Variants in ZNF638 observed in about 807,000 individuals in gnomAD.
ZNF638 encodes zinc finger protein 638, also known as CTCL tumor antigen se33-1.
ZNF638 carries 46 observed loss-of-function variants against 195.6 expected under a neutral mutation model. That is an observed-to-expected ratio of 0.24 (90% CI 0.19 to 0.30). The LOEUF (loss-of-function observed/expected upper bound fraction) is 0.30. ZNF638 is among the 10% of genes least tolerant of loss of function. The pLI is 1.00. For missense variants in ZNF638, 2,440 were observed against 2,325.3 expected, an observed-to-expected ratio of 1.05 and a Z score of -1.01; for synonymous variants, 845 against 772.0, an observed-to-expected ratio of 1.09 and a Z score of -1.57.
chr2:71,337,564 C>T (rs1417783828), intron 1 of ZNF638, among the ~76,000 whole-genome samples: 3 of 141,056 alleles, frequency 2.1e-5, no homozygotes, highest in East Asian at 3.9e-4. Context: ...CACCACCATG[C>T]CTGGCTACGT....
intron 26 of ZNF638, among the ~76,000 whole-genome samples, chr2:71,432,862 A>G (rs1158416903): frequency 6.6e-6 from 1 of 152,242 alleles, no homozygotes; most frequent in Non-Finnish European, 1.5e-5. Context: ...AGGCAGGCAC[A>G]TCCTATAGGG....
At chr2:71,370,420 A>G (rs1182166351) in intron 8 of ZNF638, among the ~76,000 whole-genome samples, 1 of 152,166 alleles carries the variant, frequency 6.6e-6, no homozygotes, top group Non-Finnish European at 1.5e-5. Context: ...CATAAACAAA[A>G]TCGTATAGTG....
rs542645085 is a variant in ZNF638 at position 71,357,447 on chromosome 2, G to C, written c.1379+1667G>C. ...GAATTAGATACGCCTTACTGCCACT[G>C]TAAGGAATACAGTCGAAAATCGAAA... On this transcript the variant is annotated intron_variant, in intron 3 of 27. Transcript: ENST00000264447. Among the ~76,000 whole-genome samples, 11 of 152,316 alleles carry C rather than the reference G, an allele frequency of 7.2e-5. No homozygotes were observed. The South Asian group carries it at 1.7e-3, about 23-fold the overall frequency.
Position 71,337,278 on chromosome 2 carries a change from G to GT in ZNF638, c.-203+5409dup, listed in dbSNP as rs574122769. Among the ~76,000 whole-genome samples the GT allele has an allele frequency of 3.1e-4, 47 of 152,070 alleles. No individual in the cohort carries two copies. The South Asian group carries it at 7.1e-3, about 23-fold the overall frequency. ...GAGTTCCCTGTCTCCTGCATATATG[G>GT]TTTTTTCCCGAAAAGTTTGACATTA... On this transcript the variant is annotated intron_variant, in intron 1 of 27. Coordinates refer to ENST00000264447, the MANE Select transcript of ZNF638 (RefSeq NM_014497.5).
At chr2:71,389,137 C>T (rs1235414304) in intron 10 of ZNF638, among the ~76,000 whole-genome samples, 3 of 152,148 alleles carry the variant, frequency 2.0e-5, no homozygotes, top group South Asian at 2.1e-4. Flanking sequence ...CTTCCCTCAG[C>T]CCTGCCATTA....
intron 1 of ZNF638, among the ~76,000 whole-genome samples, chr2:71,345,126 T>G (rs1450306177): frequency 6.6e-6 from 1 of 152,220 alleles, no homozygotes; most frequent in Non-Finnish European, 1.5e-5. Context: ...ATTTTAATTA[T>G]TTTTAATTGT....
intron 1 of ZNF638, among the ~76,000 whole-genome samples, chr2:71,341,473 C>T (rs1443760477): frequency 6.6e-6 from 1 of 151,824 alleles, no homozygotes; most frequent in Non-Finnish European, 1.5e-5. Context: ...CCCCATCATG[C>T]GTGCATGAAC....
chr2:71,365,295 G>T, intron 5 of ZNF638, 134 bp from the exon 6 acceptor site: 1 of 676,702 alleles, frequency 1.5e-6, no homozygotes, highest in Non-Finnish European at 2.3e-6. Flanking sequence ...CCTTCTGAGT[G>T]CATAAAATCT....
intron 1 of ZNF638, among the ~76,000 whole-genome samples, chr2:71,338,105 A>G (rs1278112589): frequency 6.6e-6 from 1 of 152,194 alleles, no homozygotes; most frequent in African/African-American, 2.4e-5. Context: ...ATGTGTGAGC[A>G]TATGCTATGG....
chr2:71,360,293 G>C (rs2079086994), intron 3 of ZNF638, among the ~76,000 whole-genome samples: 1 of 152,098 alleles, frequency 6.6e-6, no homozygotes. Flanking sequence ...ATAAATTGCA[G>C]ACATTATGGG....
chr2:71,373,220 A>G (rs1465413789), intron 8 of ZNF638, among the ~76,000 whole-genome samples: 1 of 152,132 alleles, frequency 6.6e-6, no homozygotes, highest in African/African-American at 2.4e-5. Context: ...TTGATTATTC[A>G]TTAACTTCAT....
chr2:71,357,528 T>C (rs907483541), intron 3 of ZNF638, among the ~76,000 whole-genome samples: 5 of 152,224 alleles, frequency 3.3e-5, no homozygotes, highest in African/African-American at 4.8e-5. Flanking sequence ...TTAATTCTTA[T>C]GAAGGTGAAT....
chr2:71,337,681 C>T (rs954101778), intron 1 of ZNF638, among the ~76,000 whole-genome samples: 8 of 152,230 alleles, frequency 5.3e-5, no homozygotes, highest in African/African-American at 1.7e-4. Context: ...AGTAAGATTA[C>T]GTGCATGAGC....
chr2:71,417,962 T>C (rs2080338542), intron 20 of ZNF638, among the ~76,000 whole-genome samples: 1 of 152,186 alleles, frequency 6.6e-6, no homozygotes, highest in Non-Finnish European at 1.5e-5. Flanking sequence ...CAGAAAAGGC[T>C]TCCTTCTAGT....
intron 13 of ZNF638, 102 bp downstream of exon 13, chr2:71,399,747 G>A: frequency 1.1e-6 from 1 of 872,116 alleles, no homozygotes; most frequent in Non-Finnish European, 1.8e-6. Flanking sequence ...AGGTAAACGT[G>A]TCATGGGGGT....
In ZNF638 at chr2:71,350,026, A is replaced by T; in HGVS notation, c.1072A>T (p.Asn358Tyr). 3 of 1,614,222 alleles carry T rather than the reference A, an allele frequency of 1.9e-6. No homozygotes were observed. Among genetic ancestry groups the T allele is most frequent in the Non-Finnish European group, 2.5e-6 (3 of 1,180,038 alleles). The change falls in exon 2 of 28, where the codon AAT (asparagine) becomes TAT (tyrosine). Residue 358 changes from asparagine to tyrosine, a missense_variant. Around this residue, in one of 5 missense-constraint regions of ZNF638, gnomAD observed 305 missense variants for 283.6 expected, o/e 1.08. Coordinates refer to ENST00000264447, the MANE Select transcript of ZNF638 (RefSeq NM_014497.5). The part of the protein sequence containing the change: ...QERIPHEPVI[N>Y]SSNVHVGSRG... ...GCGGATCCCACATGAACCTGTGATT[A>T]ATTCATCTAACGTACATGTTGGATC... is the stretch of plus-strand genomic sequence containing the variant.
chr2:71,370,618 TTG>T (rs1261130766), intron 8 of ZNF638, among the ~76,000 whole-genome samples: 2 of 152,184 alleles, frequency 1.3e-5, no homozygotes, highest in African/African-American at 4.8e-5. Context: ...AAGGTTTTCT[TTG>T]TGTATGTGTG....
intron 10 of ZNF638, among the ~76,000 whole-genome samples, chr2:71,383,762 C>CTTTTTTTTTTTTTTTTT (rs1181570876): frequency 6.1e-4 from 47 of 76,646 alleles, no homozygotes; most frequent in Non-Finnish European, 8.9e-4. Flanking sequence ...TTTTCTTTTT[C>CTTTTTTTTTTTTTTTTT]TTTTTTTTTT....
chr2:71,391,253 A>T (rs1366001179), intron 10 of ZNF638, among the ~76,000 whole-genome samples: 1 of 152,168 alleles, frequency 6.6e-6, no homozygotes, highest in Non-Finnish European at 1.5e-5. Context: ...ATTCTTCAAG[A>T]TAGGCCTATA....
Sources: gnomAD v4.1 joint callset for allele counts (sites outside exome capture counted in the v4.1 genomes callset) on GRCh38, gnomAD v4.1.1 for gene constraint, gnomAD v4.1.1 regional missense constraint, MANE v1.5 for transcripts, NCBI Gene and HGNC (gene_info 2026-07-23, HGNC 2026-07-21) for gene names.